The following CXCR5 variants were observed in gnomAD, a reference collection of about 807,000 sequenced individuals.
CXCR5 encodes the protein C-X-C motif chemokine receptor 5.
CXCR5 carries 3 observed loss-of-function variants against 5.6 expected under a neutral mutation model. The ratio of observed to expected loss-of-function variants is 0.54; its 90% CI spans 0.24 to 1.39. The LOEUF (loss-of-function observed/expected upper bound fraction) is 1.39. Ranked by LOEUF, CXCR5 falls within the 40% of genes most tolerant of loss-of-function variation. The probability of loss-of-function intolerance (pLI) is 0.16; values close to 1 mark genes in which losing one functional copy is unlikely to be tolerated. For synonymous variants in CXCR5, 218 were observed against 219.9 expected, an observed-to-expected ratio of 0.99 and a Z score of 0.08; for missense variants, 333 against 494.6, an observed-to-expected ratio of 0.67 and a Z score of 3.10.
In CXCR5 at chr11:118,894,409, G is replaced by A; in HGVS notation, c.865G>A (p.Ala289Thr). 1.9e-6 allele frequency: 3 copies of A among 1,614,226 alleles called. No individual in the cohort carries two copies. The highest frequency in any genetic ancestry group is 2.2e-5 in the East Asian group (1 of 44,878). The change falls in exon 2 of 2, where the codon GCC becomes ACC. Residue 289 changes from alanine to threonine, a missense_variant. Ala to Thr is a moderately conservative substitution (Grantham distance 58). Transcript: ENST00000292174. This position sits in a 1 kb window ranked among gnomAD's most constrained non-coding sequence, Gnocchi z 6.1. ...IFLDTLARLK[A>T]VDNTCKLNGS... ...CCTGGACACCCTGGCGAGGCTGAAG[G>A]CCGTGGACAATACCTGCAAGCTGAA...
intron 1 of CXCR5, chr11:118,886,658 C>G (rs1156725422): frequency 3.4e-6 from 1 of 296,898 alleles, no homozygotes; most frequent in African/African-American, 2.2e-5. Context: ...ATGCGACCCT[C>G]GATCTGAGAG....
In CXCR5 at chr11:118,897,437, G is replaced by A. The variant is rs901774398; in HGVS notation, c.*2774G>A. 4 of 203,830 alleles carry A rather than the reference G, an allele frequency of 2.0e-5. No homozygotes were observed. Among genetic ancestry groups the A allele is most frequent in the Non-Finnish European group, 4.1e-5 (4 of 97,576 alleles). 12.6% of individuals were successfully genotyped at this position (203,830 alleles called of 1,614,324 possible). On this transcript the variant is annotated 3_prime_UTR_variant, in exon 2 of 2. Coordinates refer to ENST00000292174, the MANE Select transcript of CXCR5 (RefSeq NM_001716.5). Reference sequence around the variant, plus strand: ...CCGGGCATCCAAAGTGGAAAGCCAGGGCCCCGTGTCACCGGTGTGGGCAAA... The same window carrying A: ...CCGGGCATCCAAAGTGGAAAGCCAGAGCCCCGTGTCACCGGTGTGGGCAAA...
Position 118,894,137 on chromosome 11 carries a change from C to A in CXCR5, c.593C>A (p.Ser198Tyr). The A allele has an allele frequency of 4.3e-6, 7 of 1,614,092 alleles. No individual in the cohort carries two copies. The highest frequency in any genetic ancestry group is 5.9e-6 in the Non-Finnish European group (7 of 1,180,028). The change falls in exon 2 of 2, where the codon TCC becomes TAC. Residue 198 changes from serine (S) to tyrosine (Y), a missense_variant. Coordinates refer to ENST00000292174, the MANE Select transcript of CXCR5 (RefSeq NM_001716.5). This position sits in a 1 kb window ranked among gnomAD's most constrained non-coding sequence, Gnocchi z 6.1. Reference sequence around the variant, plus strand: ...GTCAGCCAAGGCCATCACAACAACTCCCTGCCACGTTGCACCTTCTCCCAA... The same window carrying A: ...GTCAGCCAAGGCCATCACAACAACTACCTGCCACGTTGCACCTTCTCCCAA... ...AKVSQGHHNNSLPRCTFSQEN... is the reference protein window; with the variant it reads ...AKVSQGHHNNYLPRCTFSQEN...
rs1416162896 is a variant in CXCR5, at chr11:118,897,613, A to G, written c.*2950A>G. 2.7e-6 allele frequency: 1 copy of G among 363,644 alleles called. No homozygotes were observed. Among genetic ancestry groups the G allele is most frequent in the African/African-American group, 2.1e-5 (1 of 46,716 alleles). 22.5% of individuals were successfully genotyped at this position (363,644 alleles called of 1,614,324 possible). On this transcript the variant is annotated 3_prime_UTR_variant, in exon 2 of 2. Coordinates refer to ENST00000292174, the MANE Select transcript of CXCR5 (RefSeq NM_001716.5). The stretch of plus-strand genomic sequence containing the variant: ...AGTGGGTCATTTACGTCATCTTACC[A>G]TTTGGGGACGAGACAGGAATGGTAT...
At chr11:118,887,931 G>A (rs924058552) in intron 1 of CXCR5, among the ~76,000 whole-genome samples, 5 of 152,194 alleles carry the variant, frequency 3.3e-5, no homozygotes, top group African/African-American at 9.7e-5. Flanking sequence ...CCTGGGGTTC[G>A]GCCTGAGTAA....
Position 118,896,777 on chromosome 11 carries a change from C to T in CXCR5, c.*2114C>T, listed in dbSNP as rs1939938400. ...GCTAGGGACGGGTCCTGGTAGAAGACACCCTGTCTAGAATGGCCCTTGGTC... is the reference window on the plus strand; with the variant it reads ...GCTAGGGACGGGTCCTGGTAGAAGATACCCTGTCTAGAATGGCCCTTGGTC... On this transcript the variant is annotated 3_prime_UTR_variant, in exon 2 of 2. Transcript: ENST00000292174. 6.5e-6 allele frequency: 1 copy of T among 152,738 alleles called. No individual in the cohort carries two copies. The allele number at this position is 152,738 out of a possible 1,614,324, so 9.5% of individuals were successfully genotyped here. A position where few individuals can be genotyped will look rare whatever the true frequency, so the allele number is the denominator to read the frequency against.
Position 118,897,537 on chromosome 11 carries a change from C to A in CXCR5, c.*2874C>A. On this transcript the variant is annotated 3_prime_UTR_variant, in exon 2 of 2. Transcript: ENST00000292174. ...AGGCTGCCGCCCTGGGGGTCTCAGC[C>A]CTGCTAGGGCTCACCAGGTGGAAGC... 2 of 340,950 alleles carry A rather than the reference C, an allele frequency of 5.9e-6. No homozygotes were observed. Among genetic ancestry groups the A allele is most frequent in the Non-Finnish European group, 1.1e-5 (2 of 174,284 alleles). The allele number at this position is 340,950 out of a possible 1,614,324, so 21.1% of individuals were successfully genotyped here. A position where few individuals can be genotyped will look rare whatever the true frequency, so the allele number is the denominator to read the frequency against.
chr11:118,893,697 C>T lies in CXCR5; in HGVS notation c.153C>T (p.Ala51=), dbSNP rs371254424. Residue 51 remains alanine (A), a synonymous_variant, in exon 2 of 2, where the codon GCC becomes GCT. Coordinates refer to ENST00000292174, the MANE Select transcript of CXCR5 (RefSeq NM_001716.5). This position sits in a 1 kb window ranked among gnomAD's most constrained non-coding sequence, Gnocchi z 5.7. Reference sequence around the variant, plus strand: ...GGCCCCTCATGGCCTCCTTCAAGGCCGTGTTCGTGCCCGTGGCCTACAGCC... The same window carrying T: ...GGCCCCTCATGGCCTCCTTCAAGGCTGTGTTCGTGCCCGTGGCCTACAGCC... ...TEGPLMASFK[A]VFVPVAYSLI... The T allele has an allele frequency of 1.9e-5, 31 of 1,614,066 alleles. No homozygotes were observed. Among genetic ancestry groups the T allele is most frequent in the African/African-American group, 1.6e-4 (12 of 74,926 alleles).
At chr11:118,888,692 C>T (rs969892205) in intron 1 of CXCR5, among the ~76,000 whole-genome samples, 9 of 152,346 alleles carry the variant, frequency 5.9e-5, no homozygotes, top group South Asian at 2.1e-4. Context: ...TATCCCTGGA[C>T]GGGTAATGTT....
chr11:118,884,076 C>A, intron 1 of CXCR5, 84 bp downstream of exon 1: 1 of 1,366,310 alleles, frequency 7.3e-7, no homozygotes, highest in Non-Finnish European at 1.0e-6. Flanking sequence ...GGAGAGGGGA[C>A]AGTGTGGGAA....
intron 1 of CXCR5, among the ~76,000 whole-genome samples, chr11:118,892,875 G>A (rs1352999103): frequency 1.3e-5 from 2 of 152,176 alleles, no homozygotes; most frequent in Non-Finnish European, 2.9e-5. Context: ...CCAGTGATGG[G>A]AAGTAGCAGG....
At chr11:118,890,611 G>T (rs1043126273) in intron 1 of CXCR5, among the ~76,000 whole-genome samples, 6 of 151,982 alleles carry the variant, frequency 3.9e-5, no homozygotes, top group Non-Finnish European at 8.8e-5. Context: ...GCCGGGGGGT[G>T]GTCTAGAGCA....
intron 1 of CXCR5, among the ~76,000 whole-genome samples, chr11:118,888,844 A>G (rs1317057058): frequency 1.3e-5 from 2 of 152,042 alleles, no homozygotes; most frequent in African/African-American, 4.8e-5. Context: ...AGAGGAGGGG[A>G]CCCAGGATAG....
intron 1 of CXCR5, among the ~76,000 whole-genome samples, chr11:118,891,985 T>C (rs1480254112): frequency 2.0e-5 from 3 of 151,750 alleles, no homozygotes; most frequent in East Asian, 3.9e-4. Context: ...AAACAGAACA[T>C]TGATGCGATG....
chr11:118,894,437 G>A lies in CXCR5; in HGVS notation c.893G>A (p.Gly298Asp), dbSNP rs765416491. The A allele has an allele frequency of 1.9e-6, 3 of 1,614,136 alleles. No individual in the cohort carries two copies. The South Asian group carries it at 3.3e-5, about 18-fold the overall frequency. ...GTGGACAATACCTGCAAGCTGAATG[G>A]CTCTCTCCCCGTGGCCATCACCATG... ...KAVDNTCKLN[G>D]SLPVAITMCE... The change falls in exon 2 of 2, where the codon GGC (glycine) becomes GAC (aspartate). Residue 298 changes from glycine to aspartate, a missense_variant. By Grantham distance (94) the Gly-to-Asp change is moderately conservative. Transcript: ENST00000292174. The surrounding 1 kb of genome is among the most constrained non-coding windows in gnomAD (Gnocchi z 6.1).
At chr11:118,885,207 C>T (rs140616006) in intron 1 of CXCR5, among the ~76,000 whole-genome samples, 187 of 152,316 alleles carry the variant, frequency 1.2e-3, no homozygotes, top group Non-Finnish European at 2.3e-3. Flanking sequence ...GAAGGGCTGA[C>T]TACCCAAAGC....
rs763325024 is a variant in CXCR5 at position 118,893,240 on chromosome 11, G to A, written c.52-356G>A. ...ACAGATGGGTCCTTGTACCAAGCAG[G>A]TCCATTCCCCAAATTGAAGTCCTGT... On this transcript the variant is annotated intron_variant, in intron 1 of 1. Coordinates refer to ENST00000292174, the MANE Select transcript of CXCR5 (RefSeq NM_001716.5). The surrounding 1 kb of genome is among the most constrained non-coding windows in gnomAD (Gnocchi z 5.7). 5.3e-5 allele frequency among the ~76,000 whole-genome samples: 8 copies of A among 152,102 alleles called. No individual in the cohort carries two copies. The highest frequency in any genetic ancestry group is 7.4e-5 in the Non-Finnish European group (5 of 68,004).
intron 1 of CXCR5, among the ~76,000 whole-genome samples, chr11:118,890,786 C>A (rs545556900): frequency 6.6e-6 from 1 of 152,124 alleles, no homozygotes; most frequent in East Asian, 1.9e-4. Context: ...AAGCACTGCA[C>A]AAGTCAAAAG....
intron 1 of CXCR5, chr11:118,886,519 G>C: frequency 2.7e-6 from 1 of 374,100 alleles, no homozygotes; most frequent in South Asian, 2.1e-5. Context: ...TCAATGAAAG[G>C]TCCAAATAGA....
Sources: allele counts gnomAD v4.1 joint callset (sites outside exome capture counted in the v4.1 genomes callset), GRCh38; gene constraint gnomAD v4.1.1; non-coding constraint Gnocchi (gnomAD v3.1); transcripts MANE v1.5; gene names NCBI Gene and HGNC (gene_info 2026-07-23, HGNC 2026-07-21).